SLC3A1: variants seen among roughly 807,000 people sequenced by gnomAD.
The protein encoded by SLC3A1 is solute carrier family 3 member 1, also known as amino acid transporter heavy chain SLC3A1.
In SLC3A1, 78 loss-of-function variants were observed where a neutral mutation model predicts 60.3. The ratio of observed to expected loss-of-function variants is 1.29; its 90% CI spans 1.08 to 1.56. The LOEUF (loss-of-function observed/expected upper bound fraction) is 1.56. Ranked by LOEUF, SLC3A1 falls within the 40% of genes most tolerant of loss-of-function variation. The pLI, the probability that SLC3A1 is intolerant of heterozygous loss-of-function variation, is 0.00. For missense variants in SLC3A1, 1,172 were observed against 858.9 expected (o/e 1.36, Z -4.56); for synonymous variants, 392 against 307.9 (o/e 1.27, Z -2.86).
chr2:44,312,451 C>G (rs1672321671), intron 7 of SLC3A1, 135 bp from the exon 8 acceptor site: 1 of 872,480 alleles, frequency 1.1e-6, no homozygotes, highest in African/African-American at 1.7e-5. Context: ...AGGCCTAGGA[C>G]TCAAGTCCAG....
In SLC3A1 at chr2:44,313,841, CT is replaced by C; in HGVS notation, c.1509del (p.Arg504AlafsTer33). ...NLNESYDINT[L>X]RSKSPMQWDN... ...TTCTGGTCTTTTGACATAGAATACC[CT>C]TCGCTCAAAGTCACCAATGCAGTGG... On this transcript the variant is annotated frameshift_variant, in exon 9 of 10. Transcript: ENST00000260649. LOFTEE classifies it high-confidence loss of function. 1 of 1,613,220 alleles carries C rather than the reference CT, an allele frequency of 6.2e-7. No individual in the cohort carries two copies. The highest frequency in any genetic ancestry group is 8.5e-7 in the Non-Finnish European group (1 of 1,179,182).
In SLC3A1 at chr2:44,320,847, A is replaced by G. The variant is rs1672881150; in HGVS notation, c.*208A>G. The G allele has an allele frequency of 3.4e-6, 2 of 581,650 alleles. No homozygotes were observed. The highest frequency in any genetic ancestry group is 3.7e-5 in the African/African-American group (2 of 53,562). 36.0% of individuals were successfully genotyped at this position (581,650 alleles called of 1,614,324 possible). ...AAATTATGGCTTATAGGAGCTTATA[A>G]CTTTATTCAGATAGCATCAATCAGG... On this transcript the variant is annotated 3_prime_UTR_variant, in exon 10 of 10. Coordinates refer to ENST00000260649, the MANE Select transcript of SLC3A1 (RefSeq NM_000341.4).
At chr2:44,287,271 G>A (rs772380884) in intron 4 of SLC3A1, among the ~76,000 whole-genome samples, 53 of 152,080 alleles carry the variant, frequency 3.5e-4, no homozygotes, top group Non-Finnish European at 6.6e-4. Flanking sequence ...TATATAAAGT[G>A]TGTAGGAGAC....
rs149095217 is a variant in SLC3A1 at position 44,285,525 on chromosome 2, A to G, written c.766-507A>G. 237 of 385,222 alleles carry G rather than the reference A, an allele frequency of 6.2e-4. 1 individual carries two copies. The highest frequency in any genetic ancestry group is 4.8e-3 in the African/African-American group (227 of 47,254). The allele number at this position is 385,222 out of a possible 1,614,324, so 23.9% of individuals were successfully genotyped here. A position where few individuals can be genotyped will look rare whatever the true frequency, so the allele number is the denominator to read the frequency against. On this transcript the variant is annotated intron_variant, in intron 3 of 9. Transcript: ENST00000260649. ...CATCGTCAACTATTGCTGAGTACCA[A>G]CACTTGAAGTTGCTTTTTATTCTTG...
intron 9 of SLC3A1, chr2:44,314,212 T>C (rs887239636): frequency 3.5e-6 from 3 of 847,760 alleles, no homozygotes; most frequent in South Asian, 1.9e-5. Context: ...ACTAAGGCCT[T>C]TGAGCTATGA....
At chr2:44,306,550 CTTTTTTTTT>C (rs11290172) in intron 7 of SLC3A1, among the ~76,000 whole-genome samples, 2 of 101,120 alleles carry the variant, frequency 2.0e-5, no homozygotes, top group African/African-American at 3.6e-5. Context: ...TACCATAAAA[CTTTTTTTTT>C]TTTTTTTTTT....
chr2:44,276,999 T>C (rs1671358117), intron 1 of SLC3A1, among the ~76,000 whole-genome samples: 1 of 152,166 alleles, frequency 6.6e-6, no homozygotes, highest in Non-Finnish European at 1.5e-5. Context: ...GGAATGGGCT[T>C]AATGTATCTT....
chr2:44,278,278 A>G (rs1572788250), intron 1 of SLC3A1, among the ~76,000 whole-genome samples: 1 of 151,944 alleles, frequency 6.6e-6, no homozygotes, highest in East Asian at 1.9e-4. Context: ...CCCCGTCTCT[A>G]CTAAAAAAAT....
At position 44,320,892 on chromosome 2, in the gene SLC3A1, G is replaced by A; in HGVS notation, c.*253G>A. The A allele has an allele frequency of 2.0e-6, 1 of 495,416 alleles. No homozygotes were observed. Among genetic ancestry groups the A allele is most frequent in the Non-Finnish European group, 3.6e-6 (1 of 277,112 alleles). 30.7% of individuals were successfully genotyped at this position (495,416 alleles called of 1,614,324 possible). ...ATCAGGGATGACCAGAACACATTAG[G>A]ACCCCAGATTATTCAAAAACTTTAA... is the stretch of plus-strand genomic sequence containing the variant. On this transcript the variant is annotated 3_prime_UTR_variant, in exon 10 of 10. Coordinates refer to ENST00000260649, the MANE Select transcript of SLC3A1 (RefSeq NM_000341.4).
chr2:44,288,876 C>T (rs1040901346), intron 4 of SLC3A1, among the ~76,000 whole-genome samples: 2 of 151,958 alleles, frequency 1.3e-5, no homozygotes, highest in African/African-American at 4.8e-5. Flanking sequence ...ACTCTGTCAC[C>T]CAGGCTGGAG....
In SLC3A1 at chr2:44,275,974, C is replaced by T. The variant is rs556258802; in HGVS notation, c.430+9C>T. The T allele has an allele frequency of 1.2e-6, 2 of 1,612,990 alleles. No homozygotes were observed. The highest frequency in any genetic ancestry group is 4.5e-5 in the East Asian group (2 of 44,872). ...GAACGGAGATCTGAAAGGTACATGC[C>T]CAGAGATCATTTAGGGTGGGTGCCA... is the stretch of plus-strand genomic sequence containing the variant. On this transcript the variant is annotated intron_variant, in intron 1 of 9. Coordinates refer to ENST00000260649, the MANE Select transcript of SLC3A1 (RefSeq NM_000341.4).
Position 44,280,865 on chromosome 2 carries a change from G to C in SLC3A1, c.580G>C (p.Glu194Gln), listed in dbSNP as rs1229058382. The stretch of plus-strand genomic sequence containing the variant: ...CATTTTTGGAACGATGGAAGATTTT[G>C]AGAATCTGGTTGCAGCCATACATGA... ...DPIFGTMEDF[E>Q]NLVAAIHDKG... The change falls in exon 2 of 10, where the codon GAG (glutamate) becomes CAG (glutamine). Residue 194 changes from glutamate (E) to glutamine (Q), a missense_variant. Coordinates refer to ENST00000260649, the MANE Select transcript of SLC3A1 (RefSeq NM_000341.4). 3.7e-6 allele frequency: 6 copies of C among 1,614,020 alleles called. No homozygotes were observed. The highest frequency in any genetic ancestry group is 1.7e-5 in the Admixed American group (1 of 59,994).
chr2:44,281,349 A>ATCTTTCC, intron 2 of SLC3A1, 38 bp from the exon 3 acceptor site: 1 of 1,571,246 alleles, frequency 6.4e-7, no homozygotes, highest in Non-Finnish European at 8.8e-7. Flanking sequence ...TTCTAATACA[A>ATCTTTCC]TCTTTCCCTA....
At chr2:44,281,304 G>C in intron 2 of SLC3A1, 83 bp from the exon 3 acceptor site, 13 of 1,235,762 alleles carry the variant, frequency 1.1e-5, no homozygotes, top group Non-Finnish European at 1.5e-5. Flanking sequence ...GGTTACAGGC[G>C]TTAGCCATTA....
Position 44,320,820 on chromosome 2 carries a change from G to T in SLC3A1, c.*181G>T. The T allele has an allele frequency of 1.6e-6, 1 of 631,538 alleles. No homozygotes were observed. Among genetic ancestry groups the T allele is most frequent in the Non-Finnish European group, 2.8e-6 (1 of 359,178 alleles). 39.1% of individuals were successfully genotyped at this position (631,538 alleles called of 1,614,324 possible). ...TTTGAAAAAAATAAAATGTTTAAAA[G>T]TAAATTATGGCTTATAGGAGCTTAT... On this transcript the variant is annotated 3_prime_UTR_variant, in exon 10 of 10. Transcript: ENST00000260649.
chr2:44,320,154 T>C (rs1420104937), intron 9 of SLC3A1, 45 bp from the exon 10 acceptor site: 1 of 1,486,444 alleles, frequency 6.7e-7, no homozygotes, highest in Non-Finnish European at 9.3e-7. Context: ...TTACAAACAA[T>C]TCTTAGAATC....
intron 4 of SLC3A1, among the ~76,000 whole-genome samples, chr2:44,298,594 T>A (rs1572802648): frequency 6.6e-6 from 1 of 152,188 alleles, no homozygotes; most frequent in South Asian, 2.1e-4. Flanking sequence ...GCCAGGCTGG[T>A]CACAAACTCC....
chr2:44,303,348 A>G (rs1018276439), intron 6 of SLC3A1, among the ~76,000 whole-genome samples: 2 of 147,802 alleles, frequency 1.4e-5, no homozygotes, highest in Admixed American at 1.4e-4. Flanking sequence ...AATTCAAGTG[A>G]TTCTCCTGCC....
At chr2:44,298,489 A>T (rs1671914053) in intron 4 of SLC3A1, among the ~76,000 whole-genome samples, 1 of 151,822 alleles carries the variant, frequency 6.6e-6, no homozygotes, top group Non-Finnish European at 1.5e-5. Flanking sequence ...AGCAATTCTC[A>T]TGCTCAGCCT....
Sources: gnomAD v4.1 joint callset for allele counts (sites outside exome capture counted in the v4.1 genomes callset) on GRCh38, gnomAD v4.1.1 for gene constraint, MANE v1.5 for transcripts, NCBI Gene and HGNC (gene_info 2026-07-23, HGNC 2026-07-21) for gene names.